Variants in OSBPL9 observed in about 807,000 individuals in gnomAD.
OSBPL9 encodes oxysterol-binding protein-related protein 9.
In OSBPL9, 40 loss-of-function variants were observed where a neutral mutation model predicts 106.6. The observed-to-expected ratio is 0.38, with a 90% CI of 0.29 to 0.49. The LOEUF is 0.49. Ranked by LOEUF, OSBPL9 falls within the 20% of genes least tolerant of loss-of-function variation. The probability of loss-of-function intolerance (pLI) is 0.97; values close to 1 mark genes in which losing one functional copy is unlikely to be tolerated. For synonymous variants in OSBPL9, 269 were observed against 295.4 expected (o/e 0.91, Z 0.92); for missense variants, 609 against 887.2 (o/e 0.69, Z 3.98).
intron 14 of OSBPL9, among the ~76,000 whole-genome samples, chr1:51,775,388 A>C (rs1674817529): frequency 6.9e-6 from 1 of 144,014 alleles, no homozygotes; most frequent in African/African-American, 2.6e-5. Flanking sequence ...TCACAGCCTT[A>C]CTCTTCTTTA....
chr1:51,761,569 C>T (rs959358733), intron 10 of OSBPL9, among the ~76,000 whole-genome samples: 6 of 152,228 alleles, frequency 3.9e-5, no homozygotes, highest in Non-Finnish European at 5.9e-5. Flanking sequence ...GTTTGAGGCT[C>T]AGAAACACAT....
intron 3 of OSBPL9, among the ~76,000 whole-genome samples, chr1:51,682,542 G>A (rs894567673): frequency 1.3e-5 from 2 of 151,926 alleles, no homozygotes; most frequent in African/African-American, 2.4e-5. Context: ...GGCAGATCAC[G>A]AGGTCAGGAG....
intron 1 of OSBPL9, among the ~76,000 whole-genome samples, chr1:51,646,537 TTTG>T (rs895163016): frequency 1.3e-5 from 2 of 152,180 alleles, no homozygotes; most frequent in African/African-American, 4.8e-5. Context: ...TAGGATTTTC[TTTG>T]TTGTTGTTGT....
intron 17 of OSBPL9, among the ~76,000 whole-genome samples, chr1:51,783,254 C>T (rs1297245315): frequency 6.6e-6 from 1 of 152,056 alleles, no homozygotes; most frequent in Non-Finnish European, 1.5e-5. Flanking sequence ...AATCATAGCT[C>T]ACTGCAGCCT....
chr1:51,559,074 G>C, the OSBPL9 span, among the ~76,000 whole-genome samples: 4 of 152,190 alleles, frequency 2.6e-5, no homozygotes, highest in Non-Finnish European at 5.9e-5. Context: ...GAACAGGAGG[G>C]GTCAGGGATT....
In OSBPL9 at chr1:51,713,870, T is replaced by C. The variant is rs1421655890; in HGVS notation, c.242-133T>C. On this transcript the variant is annotated intron_variant, in intron 3 of 23. Coordinates refer to ENST00000428468, the MANE Select transcript of OSBPL9 (RefSeq NM_024586.6). The stretch of plus-strand genomic sequence containing the variant: ...TGTAAAAAATATTAATAGATCAAGC[T>C]GAACCTATTAAGGAAATGGTACAAC... 6.2e-6 allele frequency: 4 copies of C among 642,220 alleles called. 1 individual carries two copies. Among genetic ancestry groups the C allele is most frequent in the African/African-American group, 3.7e-5 (2 of 54,194 alleles). The allele number at this position is 642,220 out of a possible 1,614,324, so 39.8% of individuals were successfully genotyped here. A position where few individuals can be genotyped will look rare whatever the true frequency, so the allele number is the denominator to read the frequency against.
the OSBPL9 span, chr1:51,519,167 G>A: frequency 2.1e-6 from 3 of 1,425,620 alleles, no homozygotes; most frequent in Non-Finnish European, 1.9e-6. Flanking sequence ...GCACCGGCCG[G>A]CCAAGCCCGG....
chr1:51,657,018 T>A (rs1646860938), intron 2 of OSBPL9, among the ~76,000 whole-genome samples: 1 of 152,180 alleles, frequency 6.6e-6, no homozygotes, highest in Admixed American at 6.5e-5. Context: ...TGAAATTACT[T>A]GTTACATTGT....
At chr1:51,534,380 A>G in the OSBPL9 span, among the ~76,000 whole-genome samples, 11 of 152,122 alleles carry the variant, frequency 7.2e-5, no homozygotes, top group Admixed American at 7.2e-4. Flanking sequence ...TGGCAATGAT[A>G]ATGTTGTTTC....
intron 4 of OSBPL9, among the ~76,000 whole-genome samples, chr1:51,731,802 G>GA (rs1218720208): frequency 6.8e-6 from 1 of 147,482 alleles, no homozygotes; most frequent in Non-Finnish European, 1.5e-5. Context: ...AACTCTTAAA[G>GA]AAAAAAACAG....
At chr1:51,781,743 T>C (rs892313415) in intron 16 of OSBPL9, 2 of 164,098 alleles carry the variant, frequency 1.2e-5, no homozygotes, top group African/African-American at 2.4e-5. Context: ...GTAGAACTGA[T>C]TGATGGATTG....
intron 3 of OSBPL9, chr1:51,707,813 G>A (rs979191248): frequency 5.7e-6 from 1 of 175,918 alleles, no homozygotes; most frequent in African/African-American, 2.4e-5. Flanking sequence ...TCCCCTCTAA[G>A]TGAGTCCCAG....
At chr1:51,579,265 A>G (rs1179192863) in intron 1 of OSBPL9, among the ~76,000 whole-genome samples, 1 of 152,156 alleles carries the variant, frequency 6.6e-6, no homozygotes, top group African/African-American at 2.4e-5. Context: ...TAGGCACACT[A>G]GAAGTGATCA....
intron 20 of OSBPL9, chr1:51,785,131 T>TG (rs1056781090): frequency 5.7e-5 from 9 of 157,218 alleles, no homozygotes; most frequent in Non-Finnish European, 7.0e-5. Flanking sequence ...AACCCTTAAC[T>TG]GGGGGGGAAG....
intron 3 of OSBPL9, among the ~76,000 whole-genome samples, chr1:51,678,797 CATCA>C (rs1291012955): frequency 1.3e-5 from 2 of 152,178 alleles, no homozygotes; most frequent in East Asian, 3.8e-4. Flanking sequence ...ACTGCATTAA[CATCA>C]ATCAATTTAG....
chr1:51,732,291 C>T (rs940649923), intron 4 of OSBPL9, among the ~76,000 whole-genome samples: 3 of 152,122 alleles, frequency 2.0e-5, no homozygotes, highest in African/African-American at 7.2e-5. Flanking sequence ...AGGATGTCCC[C>T]TGGGGTATGT....
rs772544413 is a variant in OSBPL9, at chr1:51,789,219, A to G, written c.*1430A>G. ...TTAAAATACACATTGCTTCAGGCCAACGTGACTGCAGTTTATTTATTTGAC... is the reference window on the plus strand; with the variant it reads ...TTAAAATACACATTGCTTCAGGCCAGCGTGACTGCAGTTTATTTATTTGAC... On this transcript the variant is annotated 3_prime_UTR_variant, in exon 24 of 24. Coordinates refer to ENST00000428468, the MANE Select transcript of OSBPL9 (RefSeq NM_024586.6). The G allele has an allele frequency of 1.1e-5, 17 of 1,609,226 alleles. No individual in the cohort carries two copies. Among genetic ancestry groups the G allele is most frequent in the Middle Eastern group, 1.7e-4 (1 of 5,976 alleles).
chr1:51,767,084 A>AAAC (rs1014199765), intron 12 of OSBPL9, among the ~76,000 whole-genome samples: 1 of 151,852 alleles, frequency 6.6e-6, no homozygotes. Flanking sequence ...GTTTCCAAAC[A>AAAC]AACAACAACA....
the OSBPL9 span, among the ~76,000 whole-genome samples, chr1:51,546,147 C>T: frequency 1.1e-3 from 164 of 152,122 alleles, 1 homozygote; most frequent in Middle Eastern, 6.8e-3. Context: ...CCCCAAGTAG[C>T]TGGGACTACA....
Sources: gnomAD v4.1 joint callset for allele counts (sites outside exome capture counted in the v4.1 genomes callset) on GRCh38, gnomAD v4.1.1 for gene constraint, MANE v1.5 for transcripts, NCBI Gene and HGNC (gene_info 2026-07-23, HGNC 2026-07-21) for gene names.